PI15: variants seen among roughly 807,000 people sequenced by gnomAD.
PI15 encodes the protein peptidase inhibitor 15, also known as 25 kDa trypsin inhibitor.
PI15 carries 18 observed loss-of-function variants against 31.0 expected under a neutral mutation model. That is an observed-to-expected ratio of 0.58 (90% CI 0.40 to 0.86). The LOEUF (loss-of-function observed/expected upper bound fraction) is 0.86, where lower values mean the gene tolerates loss of function less well. PI15 is among the 40% of genes least tolerant of loss of function. The probability of loss-of-function intolerance (pLI) is 0.00; values close to 1 mark genes in which losing one functional copy is unlikely to be tolerated. For synonymous variants in PI15, 118 were observed against 119.1 expected, an observed-to-expected ratio of 0.99 and a Z score of 0.06; for missense variants, 282 against 328.1, an observed-to-expected ratio of 0.86 and a Z score of 1.09.
At chr8:74,826,854 A>C (rs1810707344) in intron 2 of PI15, among the ~76,000 whole-genome samples, 1 of 152,088 alleles carries the variant, frequency 6.6e-6, no homozygotes, top group Non-Finnish European at 1.5e-5. Flanking sequence ...ATGTTCAACA[A>C]ACATTAGTTT....
chr8:74,838,119 T>C (rs183442776), intron 2 of PI15, among the ~76,000 whole-genome samples: 167 of 152,142 alleles, frequency 1.1e-3, no homozygotes, highest in African/African-American at 3.9e-3. Context: ...TCAATTGATT[T>C]ATTGATAATA....
At chr8:74,836,486 A>C (rs575322798) in intron 2 of PI15, among the ~76,000 whole-genome samples, 1 of 152,266 alleles carries the variant, frequency 6.6e-6, no homozygotes, top group Non-Finnish European at 1.5e-5. Flanking sequence ...ACCATCAGCA[A>C]ATAATTGGTG....
At chr8:74,845,583 G>T in intron 5 of PI15, 86 bp downstream of exon 5, 1 of 819,634 alleles carries the variant, frequency 1.2e-6, no homozygotes, top group South Asian at 1.4e-5. Context: ...ACAGGTAAGT[G>T]AGTAAGGCTT....
In PI15 at chr8:74,844,048, C is replaced by G; in HGVS notation, c.341C>G (p.Pro114Arg). The G allele has an allele frequency of 6.2e-7, 1 of 1,607,970 alleles. No individual in the cohort carries two copies. The highest frequency in any genetic ancestry group is 8.5e-7 in the Non-Finnish European group (1 of 1,174,426). ...WAATCIWDHG[P>R]SYLLRFLGQN... ...GCTACTTGCATTTGGGACCATGGAC[C>G]TTCTTACTTACTGAGATTTTTGGGC... is the stretch of plus-strand genomic sequence containing the variant. Residue 114 changes from proline (P) to arginine (R), a missense_variant, in exon 3 of 6, where the codon CCT becomes CGT. Transcript: ENST00000260113.
chr8:74,842,748 A>G (rs1369295102), intron 2 of PI15, among the ~76,000 whole-genome samples: 1 of 152,194 alleles, frequency 6.6e-6, no homozygotes, highest in East Asian at 1.9e-4. Context: ...TCCACGGCTC[A>G]TTCAAATTTT....
chr8:74,837,106 AC>A (rs1436242795), intron 2 of PI15, among the ~76,000 whole-genome samples: 2 of 152,116 alleles, frequency 1.3e-5, no homozygotes, highest in East Asian at 1.9e-4. Context: ...GAAAGATAAT[AC>A]TCATCTTATT....
At chr8:74,825,104 GAAGA>G (rs1292556381) in intron 1 of PI15, 102 bp from the exon 2 acceptor site, 16 of 718,996 alleles carry the variant, frequency 2.2e-5, no homozygotes, top group Non-Finnish European at 3.3e-5. Flanking sequence ...TTGGATTTTT[GAAGA>G]AAGTCAAATC....
chr8:74,847,900 A>G (rs1811047803), intron 5 of PI15, among the ~76,000 whole-genome samples: 1 of 152,116 alleles, frequency 6.6e-6, no homozygotes, highest in Admixed American at 6.5e-5. Context: ...TTTACCACCG[A>G]TAACCAAATT....
chr8:74,827,651 T>G (rs1810718967), intron 2 of PI15, among the ~76,000 whole-genome samples: 1 of 152,186 alleles, frequency 6.6e-6, no homozygotes, highest in Middle Eastern at 3.2e-3. Context: ...AAGCCCATGC[T>G]TCTATTGGGG....
intron 2 of PI15, among the ~76,000 whole-genome samples, chr8:74,829,781 T>A (rs988701196): frequency 6.6e-6 from 1 of 151,930 alleles, no homozygotes; most frequent in Admixed American, 6.6e-5. Context: ...GGAGCGATAA[T>A]CTCTAGTTGG....
chr8:74,841,544 A>G (rs1360193904), intron 2 of PI15, among the ~76,000 whole-genome samples: 2 of 152,202 alleles, frequency 1.3e-5, no homozygotes, highest in African/African-American at 4.8e-5. Context: ...GATTATAAGA[A>G]AGTGTTTTTA....
intron 2 of PI15, among the ~76,000 whole-genome samples, chr8:74,837,033 A>G (rs531521916): frequency 2.2e-4 from 33 of 152,164 alleles, no homozygotes; most frequent in Non-Finnish European, 4.3e-4. Flanking sequence ...GCAATGATTC[A>G]GTTCAGAGCC....
chr8:74,833,755 G>C (rs1175904984), intron 2 of PI15, among the ~76,000 whole-genome samples: 1 of 152,192 alleles, frequency 6.6e-6, no homozygotes, highest in Non-Finnish European at 1.5e-5. Context: ...TTTGGAGAGC[G>C]TAAGTAACTT....
chr8:74,851,842 T>C lies in PI15; in HGVS notation c.*2589T>C, dbSNP rs75896606. 10 of 152,234 alleles carry C rather than the reference T, an allele frequency of 6.6e-5. No individual in the cohort carries two copies. Among genetic ancestry groups the C allele is most frequent in the African/African-American group, 2.2e-4 (9 of 41,574 alleles). The allele number at this position is 152,234 out of a possible 1,614,324, so 9.4% of individuals were successfully genotyped here. A position where few individuals can be genotyped will look rare whatever the true frequency, so the allele number is the denominator to read the frequency against. ...GACCAGGGTTTACACACTTAGGCAATAGTCCTTTCCAAACCATGACAAAAA... is the reference window on the plus strand; with the variant it reads ...GACCAGGGTTTACACACTTAGGCAACAGTCCTTTCCAAACCATGACAAAAA... On this transcript the variant is annotated 3_prime_UTR_variant, in exon 6 of 6. Coordinates refer to ENST00000260113, the MANE Select transcript of PI15 (RefSeq NM_015886.5).
At chr8:74,824,773 T>G (rs541705683) in intron 1 of PI15, 98 bp downstream of exon 1, 2 of 157,358 alleles carry the variant, frequency 1.3e-5, no homozygotes, top group African/African-American at 4.8e-5. Flanking sequence ...ATGACTTTTT[T>G]GTATGTGTTC....
rs541680295 is a variant in PI15 at position 74,833,126 on chromosome 8, T to C, written c.273+7604T>C. On this transcript the variant is annotated intron_variant, in intron 2 of 5. Coordinates refer to ENST00000260113, the MANE Select transcript of PI15 (RefSeq NM_015886.5). ...GGAGTATCACAGGAGAGTTCAACAA[T>C]CTAAAAATTAGTTATTAAAATATAC... Among the ~76,000 whole-genome samples, 8 of 152,128 alleles carry C rather than the reference T, an allele frequency of 5.3e-5. No individual in the cohort carries two copies. The East Asian group carries it at 1.4e-3, about 26-fold the overall frequency.
rs1165942236 is a variant in PI15 at position 74,850,600 on chromosome 8, T to C, written c.*1347T>C. ...CACACCACACACAGTCATGATTTTG[T>C]TAAAGTAGCCTTCTTCAGATGCTTT... On this transcript the variant is annotated 3_prime_UTR_variant, in exon 6 of 6. Transcript: ENST00000260113. 6.6e-6 allele frequency: 1 copy of C among 152,226 alleles called. No homozygotes were observed. The highest frequency in any genetic ancestry group is 2.4e-5 in the African/African-American group (1 of 41,468). The allele number at this position is 152,226 out of a possible 1,614,324, so 9.4% of individuals were successfully genotyped here. A position where few individuals can be genotyped will look rare whatever the true frequency, so the allele number is the denominator to read the frequency against.
chr8:74,826,838 A>G lies in PI15; in HGVS notation c.273+1316A>G, dbSNP rs537080275. Among the ~76,000 whole-genome samples the G allele has an allele frequency of 2.6e-5, 4 of 152,196 alleles. 1 individual carries two copies. The East Asian group carries it at 7.7e-4, about 29-fold the overall frequency. ...AGTAATCAGACCAGAGCCTGTTGCT[A>G]ACTAGATGTTCAACAAACATTAGTT... is the stretch of plus-strand genomic sequence containing the variant. On this transcript the variant is annotated intron_variant, in intron 2 of 5. Coordinates refer to ENST00000260113, the MANE Select transcript of PI15 (RefSeq NM_015886.5).
intron 2 of PI15, among the ~76,000 whole-genome samples, chr8:74,833,338 T>A (rs1034926532): frequency 6.6e-6 from 1 of 152,084 alleles, no homozygotes. Flanking sequence ...CAGAGATGAA[T>A]TAATATGTTT....
Sources: allele counts gnomAD v4.1 joint callset (sites outside exome capture counted in the v4.1 genomes callset), GRCh38; gene constraint gnomAD v4.1.1; transcripts MANE v1.5; gene names NCBI Gene and HGNC (gene_info 2026-07-23, HGNC 2026-07-21).